LRMDA: variants seen among roughly 807,000 people sequenced by gnomAD.
The protein encoded by LRMDA is leucine-rich melanocyte differentiation-associated protein.
LRMDA carries 18 observed loss-of-function variants against 29.8 expected under a neutral mutation model. That is an observed-to-expected ratio of 0.60 (90% confidence interval 0.42 to 0.90). LRMDA has a LOEUF of 0.90. Ranked by LOEUF, LRMDA falls within the 40% of genes least tolerant of loss-of-function variation. The pLI is 0.00. For synonymous variants in LRMDA, 125 were observed against 109.4 expected (o/e 1.14, Z -0.89); for missense variants, 273 against 273.9 (o/e 1.00, Z 0.02).
intron 2 of LRMDA, among the ~76,000 whole-genome samples, chr10:75,454,850 C>G (rs1031418241): frequency 1.6e-4 from 25 of 152,304 alleles, no homozygotes; most frequent in African/African-American, 5.3e-4. Context: ...AAAAATGGAG[C>G]CTGGCAGTGG....
intron 2 of LRMDA, among the ~76,000 whole-genome samples, chr10:75,632,483 A>G (rs572071595): frequency 3.0e-4 from 46 of 152,300 alleles, no homozygotes; most frequent in South Asian, 1.2e-3. Context: ...AAGATTGAGT[A>G]TCAGGGATGG....
intron 5 of LRMDA, among the ~76,000 whole-genome samples, chr10:76,090,873 A>G (rs570790773): frequency 7.2e-5 from 11 of 152,314 alleles, no homozygotes; most frequent in African/African-American, 2.4e-4. Context: ...ATTGTTTCAC[A>G]TGTACAGAGT....
At chr10:76,348,567 C>G (rs749850810) in intron 6 of LRMDA, among the ~76,000 whole-genome samples, 40 of 152,302 alleles carry the variant, frequency 2.6e-4, no homozygotes, top group Admixed American at 8.5e-4. Flanking sequence ...CAAGGAGTCT[C>G]TTTCCCCTAG....
rs540514940 is a variant in LRMDA at position 75,562,211 on chromosome 10, G to A, written c.131+123717G>A. 1.8e-3 allele frequency among the ~76,000 whole-genome samples: 276 copies of A among 152,198 alleles called. 6 individuals carry two copies. The highest frequency in any genetic ancestry group is 5.1e-4 in the Non-Finnish European group (35 of 68,030). ...CAGGACTTGCTTTATGAATCTGGGT[G>A]CTCCTGTATTGGGTGCATATATGTT... On this transcript the variant is annotated intron_variant, in intron 2 of 6. Transcript: ENST00000611255.
chr10:76,065,882 C>T (rs1848776649), intron 5 of LRMDA, among the ~76,000 whole-genome samples: 1 of 152,244 alleles, frequency 6.6e-6, no homozygotes, highest in Non-Finnish European at 1.5e-5. Flanking sequence ...TTACACAGCA[C>T]CATGTGTTTT....
intron 6 of LRMDA, among the ~76,000 whole-genome samples, chr10:76,521,738 A>AT (rs1431525524): frequency 1.3e-5 from 2 of 152,006 alleles, no homozygotes; most frequent in African/African-American, 4.8e-5. Context: ...AGATATAAAT[A>AT]TTTTTTCGTT....
chr10:75,831,312 G>A (rs1844340379), intron 2 of LRMDA, among the ~76,000 whole-genome samples: 1 of 152,194 alleles, frequency 6.6e-6, no homozygotes, highest in Non-Finnish European at 1.5e-5. Flanking sequence ...CTCCCAAAGT[G>A]CTGGGATTAC....
At chr10:76,351,818 G>T (rs936097781) in intron 6 of LRMDA, among the ~76,000 whole-genome samples, 1 of 152,086 alleles carries the variant, frequency 6.6e-6, no homozygotes, top group Non-Finnish European at 1.5e-5. Flanking sequence ...CACAGAAACA[G>T]AACTCACTAG....
At chr10:76,224,150 A>G (rs1471046651) in intron 5 of LRMDA, among the ~76,000 whole-genome samples, 4 of 152,092 alleles carry the variant, frequency 2.6e-5, no homozygotes, top group Admixed American at 6.6e-5. Context: ...CTCAAATTCT[A>G]TATGAACACA....
chr10:75,939,440 GA>G (rs1157259013), intron 2 of LRMDA, among the ~76,000 whole-genome samples: 2 of 152,142 alleles, frequency 1.3e-5, no homozygotes, highest in Non-Finnish European at 2.9e-5. Context: ...CTCCAGGGGA[GA>G]AAAGGCATAT....
intron 2 of LRMDA, among the ~76,000 whole-genome samples, chr10:75,789,838 A>G (rs564526404): frequency 1.3e-4 from 20 of 152,302 alleles, no homozygotes; most frequent in Non-Finnish European, 1.6e-4. Flanking sequence ...GCTCTGACAC[A>G]TAGCATGTCT....
chr10:75,434,794 A>G (rs898542001), intron 1 of LRMDA, among the ~76,000 whole-genome samples: 22 of 152,178 alleles, frequency 1.4e-4, no homozygotes, highest in African/African-American at 3.9e-4. Context: ...ACCCCTGGCT[A>G]GGGGTAGGCA....
chr10:76,056,428 C>T (rs1848615509), intron 4 of LRMDA, among the ~76,000 whole-genome samples: 1 of 152,232 alleles, frequency 6.6e-6, no homozygotes. Flanking sequence ...ACACCCCTTT[C>T]CACCTAGGAG....
intron 2 of LRMDA, among the ~76,000 whole-genome samples, chr10:75,902,805 G>A (rs1246826914): frequency 1.3e-5 from 2 of 152,172 alleles, no homozygotes; most frequent in Non-Finnish European, 2.9e-5. Flanking sequence ...GTGGCAGTGA[G>A]GAGGGCCAAC....
chr10:75,562,708 C>G (rs1840315238), intron 2 of LRMDA, among the ~76,000 whole-genome samples: 1 of 152,038 alleles, frequency 6.6e-6, no homozygotes, highest in South Asian at 2.1e-4. Flanking sequence ...TTCAGGAGCT[C>G]TTTTAGGGCA....
chr10:76,503,052 A>T (rs942746415), intron 6 of LRMDA, among the ~76,000 whole-genome samples: 1 of 151,904 alleles, frequency 6.6e-6, no homozygotes, highest in Admixed American at 6.6e-5. Flanking sequence ...GGCTCTTATT[A>T]TTTTGAAGTA....
intron 2 of LRMDA, among the ~76,000 whole-genome samples, chr10:75,579,551 A>C (rs1840558973): frequency 6.6e-6 from 1 of 152,226 alleles, no homozygotes; most frequent in Non-Finnish European, 1.5e-5. Context: ...AAAAGAGGGA[A>C]TCCTCCCTAA....
At chr10:75,436,775 C>T (rs1844268814) in intron 1 of LRMDA, among the ~76,000 whole-genome samples, 1 of 152,144 alleles carries the variant, frequency 6.6e-6, no homozygotes, top group Admixed American at 6.5e-5. Flanking sequence ...GGCCAAGAAG[C>T]TGCTGACTGA....
intron 5 of LRMDA, among the ~76,000 whole-genome samples, chr10:76,221,719 A>T (rs1410949050): frequency 6.6e-6 from 1 of 152,222 alleles, no homozygotes; most frequent in Admixed American, 6.5e-5. Context: ...ATTCAATGCC[A>T]TCCCCATCAA....
Sources: allele counts gnomAD v4.1 joint callset (sites outside exome capture counted in the v4.1 genomes callset), GRCh38; gene constraint gnomAD v4.1.1; transcripts MANE v1.5; gene names NCBI Gene and HGNC (gene_info 2026-07-23, HGNC 2026-07-21).